The following TBCK variants were observed in gnomAD, a reference collection of about 807,000 sequenced individuals.
TBCK encodes the protein TBC1 domain containing kinase.
TBCK carries 99 observed loss-of-function variants against 113.4 expected under a neutral mutation model. That is an observed-to-expected ratio of 0.87 (90% CI 0.74 to 1.03). TBCK has a LOEUF of 1.03. TBCK is among the 50% of genes least tolerant of loss of function. The probability of loss-of-function intolerance (pLI) is 0.00; values close to 1 mark genes in which losing one functional copy is unlikely to be tolerated. For synonymous variants in TBCK, 369 were observed against 370.8 expected (o/e 1.00, Z 0.05); for missense variants, 1,045 against 1,061.3 (o/e 0.98, Z 0.21).
In TBCK at chr4:106,259,592, T is replaced by G. The variant is rs554514467; in HGVS notation, c.455+845A>C. Among the ~76,000 whole-genome samples the G allele has an allele frequency of 5.1e-4, 77 of 152,076 alleles. 1 individual carries two copies. The highest frequency in any genetic ancestry group is 1.8e-3 in the African/African-American group (76 of 41,564). ...GTGCTATTATGTAATTAATTACTCT[T>G]AAGTGATTATAAAAAACAATCATTA... On this transcript the variant is annotated intron_variant, in intron 5 of 25. Coordinates refer to ENST00000394708, the MANE Select transcript of TBCK (RefSeq NM_001163435.3).
intron 5 of TBCK, among the ~76,000 whole-genome samples, chr4:106,256,892 T>C (rs1212412577): frequency 2.6e-5 from 4 of 152,216 alleles, no homozygotes; most frequent in Non-Finnish European, 5.9e-5. Flanking sequence ...TTGTTTTATA[T>C]ACTATATATT....
intron 23 of TBCK, among the ~76,000 whole-genome samples, chr4:106,124,048 A>G (rs906599657): frequency 1.3e-5 from 2 of 151,044 alleles, no homozygotes; most frequent in Non-Finnish European, 3.0e-5. Context: ...AGAAACTACC[A>G]TCAGAGTGAA....
rs149156590 is a variant in TBCK, at chr4:106,102,969, C to T, written c.2412-7328G>A. ...TCACATAAATCCTAGACTTTAATTG[C>T]GAAGATTTACCTTGGTAAGCATTAA... On this transcript the variant is annotated intron_variant, in intron 24 of 25. Transcript: ENST00000394708. 4.1e-3 allele frequency among the ~76,000 whole-genome samples: 621 copies of T among 151,972 alleles called. 1 individual carries two copies. Among genetic ancestry groups the T allele is most frequent in the Non-Finnish European group, 6.6e-3 (449 of 67,980 alleles).
intron 22 of TBCK, among the ~76,000 whole-genome samples, chr4:106,185,221 C>T (rs773014618): frequency 6.6e-6 from 1 of 151,968 alleles, no homozygotes; most frequent in African/African-American, 2.4e-5. Context: ...TAGTCATTCC[C>T]TCTATGCTAT....
chr4:106,122,598 C>T (rs1744577036), intron 23 of TBCK, among the ~76,000 whole-genome samples: 2 of 152,176 alleles, frequency 1.3e-5, no homozygotes, highest in South Asian at 4.1e-4. Context: ...ACCAACATCC[C>T]TGATGAACAT....
intron 24 of TBCK, among the ~76,000 whole-genome samples, chr4:106,114,594 T>C (rs1010655664): frequency 6.6e-6 from 1 of 152,160 alleles, no homozygotes; most frequent in African/African-American, 2.4e-5. Flanking sequence ...CTAGCCCGCT[T>C]TTTCACTGGA....
In TBCK at chr4:106,251,928, A is replaced by T. The variant is rs1416800506; in HGVS notation, c.535T>A (p.Leu179Met). ...ACATCTGATTTGGGGCCAGAAGGCA[A>T]TGGTTTTTTACTTGGCATGTGATCA... ...TTDHMPSKKPLPSGPKSDVWS... is the reference protein window; with the variant it reads ...TTDHMPSKKPMPSGPKSDVWS... The change falls in exon 6 of 26, where the codon TTG becomes ATG. Residue 179 changes from leucine (L) to methionine (M), a missense_variant. Transcript: ENST00000394708. The T allele has an allele frequency of 6.2e-7, 1 of 1,611,750 alleles. No individual in the cohort carries two copies. The highest frequency in any genetic ancestry group is 1.1e-5 in the South Asian group (1 of 90,732).
rs10028047 is a variant in TBCK, at chr4:106,303,200, T to C, written c.193+5568A>G. On this transcript the variant is annotated intron_variant, in intron 2 of 25. Coordinates refer to ENST00000394708, the MANE Select transcript of TBCK (RefSeq NM_001163435.3). ...CCTAATTGGTAAATATATGACATGGTGCAACACTAGGTACAGGTCAAATCA... is the reference window on the plus strand; with the variant it reads ...CCTAATTGGTAAATATATGACATGGCGCAACACTAGGTACAGGTCAAATCA... 3.7e-3 allele frequency among the ~76,000 whole-genome samples: 556 copies of C among 152,296 alleles called. 3 individuals carry two copies. Among genetic ancestry groups the C allele is most frequent in the African/African-American group, 0.013 (529 of 41,556 alleles).
intron 22 of TBCK, among the ~76,000 whole-genome samples, chr4:106,187,477 C>T (rs1308188177): frequency 6.6e-6 from 1 of 151,618 alleles, no homozygotes; most frequent in African/African-American, 2.4e-5. Flanking sequence ...AGTGCAGTGG[C>T]ACTATCTTGG....
intron 4 of TBCK, among the ~76,000 whole-genome samples, chr4:106,260,960 G>A (rs1388735227): frequency 6.6e-6 from 1 of 151,908 alleles, no homozygotes; most frequent in East Asian, 1.9e-4. Context: ...AACTTGAAAA[G>A]ATCAGTTCAA....
At chr4:106,116,657 C>T (rs908913839) in intron 23 of TBCK, among the ~76,000 whole-genome samples, 1 of 152,056 alleles carries the variant, frequency 6.6e-6, no homozygotes, top group Non-Finnish European at 1.5e-5. Flanking sequence ...CCCATTGCTC[C>T]GTTATAGTCC....
chr4:106,153,272 T>G (rs1448266266), intron 23 of TBCK, among the ~76,000 whole-genome samples: 1 of 152,112 alleles, frequency 6.6e-6, no homozygotes, highest in African/African-American at 2.4e-5. Flanking sequence ...TTATAATTCA[T>G]TTCCAAATAA....
chr4:106,197,653 C>T (rs894504232), intron 20 of TBCK, among the ~76,000 whole-genome samples: 8 of 151,682 alleles, frequency 5.3e-5, no homozygotes, highest in African/African-American at 1.9e-4. Context: ...GCTCCAAAAC[C>T]AAGCTGCTCT....
intron 25 of TBCK, among the ~76,000 whole-genome samples, chr4:106,071,517 A>G (rs1187439633): frequency 2.0e-5 from 3 of 152,200 alleles, no homozygotes; most frequent in African/African-American, 7.2e-5. Context: ...TTTACTCCCA[A>G]CTATGTGGTC....
chr4:106,045,204 G>C lies in TBCK; in HGVS notation c.*1366C>G. 6.6e-6 allele frequency: 1 copy of C among 152,014 alleles called. No individual in the cohort carries two copies. The highest frequency in any genetic ancestry group is 1.9e-4 in the East Asian group (1 of 5,176). The allele number at this position is 152,014 out of a possible 1,614,324, so 9.4% of individuals were successfully genotyped here. On this transcript the variant is annotated 3_prime_UTR_variant, in exon 26 of 26. Transcript: ENST00000394708. ...CTCCTGAGTAGCTGGGACCGCAGAC[G>C]TGTGCCACTATGACCAGCTAATTTT...
intron 3 of TBCK, among the ~76,000 whole-genome samples, chr4:106,271,381 G>A (rs1290565607): frequency 3.3e-5 from 5 of 151,700 alleles, no homozygotes; most frequent in Non-Finnish European, 4.4e-5. Context: ...TCCTGTGTGT[G>A]TTGTTTTCTT....
intron 3 of TBCK, among the ~76,000 whole-genome samples, chr4:106,284,100 A>G (rs1312824945): frequency 1.3e-5 from 2 of 152,152 alleles, no homozygotes; most frequent in African/African-American, 4.8e-5. Context: ...CCTTCTTTAA[A>G]CAAAACATGT....
intron 23 of TBCK, among the ~76,000 whole-genome samples, chr4:106,167,637 A>T (rs1750546728): frequency 6.6e-6 from 1 of 151,620 alleles, no homozygotes; most frequent in East Asian, 1.9e-4. Context: ...CCAGCTAAGA[A>T]AAAAAAGATT....
chr4:106,192,979 C>T (rs181093268), intron 22 of TBCK, among the ~76,000 whole-genome samples: 6 of 152,166 alleles, frequency 3.9e-5, no homozygotes, highest in Admixed American at 2.6e-4. Flanking sequence ...TCCTAGGTAA[C>T]GACATTAATT....
Sources: gnomAD v4.1 joint callset for allele counts (sites outside exome capture counted in the v4.1 genomes callset) on GRCh38, gnomAD v4.1.1 for gene constraint, MANE v1.5 for transcripts, NCBI Gene and HGNC (gene_info 2026-07-23, HGNC 2026-07-21) for gene names.